SLC24A1: variants seen among roughly 807,000 people sequenced by gnomAD.
The protein encoded by SLC24A1 is solute carrier family 24 member 1.
Under a neutral mutation model 88.1 loss-of-function variants are expected in SLC24A1, and 52 were observed. The observed-to-expected ratio is 0.59, with a 90% CI of 0.47 to 0.74. The LOEUF (loss-of-function observed/expected upper bound fraction) is 0.74. Among genes scored for constraint, SLC24A1 ranks in the 30% least tolerant of loss-of-function variants. SLC24A1 has a pLI of 0.00. For missense variants in SLC24A1, 1,173 were observed against 1,363.3 expected, an observed-to-expected ratio of 0.86 and a Z score of 2.20; for synonymous variants, 455 against 498.0, an observed-to-expected ratio of 0.91 and a Z score of 1.15.
chr15:65,633,837 C>T (rs183339805), intron 2 of SLC24A1, among the ~76,000 whole-genome samples: 5 of 152,152 alleles, frequency 3.3e-5, no homozygotes, highest in Admixed American at 2.0e-4. Context: ...GACAGTGGGG[C>T]CCCCAGTGTG....
chr15:65,659,104 T>C (rs1253700878), downstream of SLC24A1: 1 of 152,102 alleles, frequency 6.6e-6, no homozygotes, highest in Non-Finnish European at 1.5e-5. Flanking sequence ...AACATAATGG[T>C]AGGACGTAGT....
rs2075242978 is a variant in SLC24A1 at position 65,644,577 on chromosome 15, C to T, written c.2140+64C>T. 5 of 1,230,894 alleles carry T rather than the reference C, an allele frequency of 4.1e-6. No individual in the cohort carries two copies. In the East Asian group the frequency reaches 1.3e-4, roughly 31 times the overall value. 76.2% of individuals were successfully genotyped at this position (1,230,894 alleles called of 1,614,324 possible). A position where few individuals can be genotyped will look rare whatever the true frequency, so the allele number is the denominator to read the frequency against. ...CCCTCTCCCTGCTGTCAGTAGTGAGCTTGGCCTGGAGGCAGCAGCCAGCCA... is the reference window on the plus strand; with the variant it reads ...CCCTCTCCCTGCTGTCAGTAGTGAGTTTGGCCTGGAGGCAGCAGCCAGCCA... On this transcript the variant is annotated intron_variant, in intron 5 of 9. Coordinates refer to ENST00000261892, the MANE Select transcript of SLC24A1 (RefSeq NM_004727.3).
intron 3 of SLC24A1, 49 bp from the exon 4 acceptor site, chr15:65,639,546 C>T (rs771607909): frequency 8.2e-7 from 1 of 1,221,818 alleles, no homozygotes. Flanking sequence ...CGTGTGGTTC[C>T]TCCCCTGGCT....
chr15:65,624,370 T>C lies in SLC24A1; in HGVS notation c.290T>C (p.Val97Ala), dbSNP rs762482455. 6.2e-7 allele frequency: 1 copy of C among 1,613,676 alleles called. No individual in the cohort carries two copies. Among genetic ancestry groups the C allele is most frequent in the Admixed American group, 1.7e-5 (1 of 59,996 alleles). ...GGKMLVPQAS[V>A]GSDEATLSMT... Reference sequence around the variant, plus strand: ...AAGATGCTGGTACCCCAAGCCTCAGTGGGCAGTGATGAAGCAACACTGAGC... The same window carrying C: ...AAGATGCTGGTACCCCAAGCCTCAGCGGGCAGTGATGAAGCAACACTGAGC... Residue 97 changes from valine to alanine, a missense_variant, in exon 2 of 10, where the codon GTG becomes GCG. By Grantham distance (64) the Val-to-Ala change is moderately conservative. Transcript: ENST00000261892.
At chr15:65,634,383 T>C (rs2074833647) in intron 2 of SLC24A1, among the ~76,000 whole-genome samples, 1 of 152,206 alleles carries the variant, frequency 6.6e-6, no homozygotes, top group African/African-American at 2.4e-5. Context: ...AGGATCCCAT[T>C]GCTCATCCTC....
At chr15:65,631,057 G>A (rs183514763) in intron 2 of SLC24A1, among the ~76,000 whole-genome samples, 1 of 151,464 alleles carries the variant, frequency 6.6e-6, no homozygotes, top group East Asian at 1.9e-4. Flanking sequence ...ATGACAAAAT[G>A]AATGCATGAG....
chr15:65,651,141 G>A (rs2075491220), intron 7 of SLC24A1, among the ~76,000 whole-genome samples, 199 bp downstream of exon 7: 1 of 152,098 alleles, frequency 6.6e-6, no homozygotes, highest in Admixed American at 6.5e-5. Context: ...GGGACTGGGA[G>A]GCCCTAGATC....
downstream of SLC24A1, chr15:65,656,263 T>C (rs2075680545): frequency 1.0e-6 from 1 of 984,916 alleles, no homozygotes; most frequent in African/African-American, 1.7e-5. Context: ...TAATCTGACA[T>C]CCTTTTCCCA....
chr15:65,659,594 C>T (rs2075794253), downstream of SLC24A1: 1 of 152,146 alleles, frequency 6.6e-6, no homozygotes, highest in African/African-American at 2.4e-5. Context: ...CTGCTTCAGC[C>T]TCCCAAAGTG....
intron 3 of SLC24A1, among the ~76,000 whole-genome samples, chr15:65,638,840 G>A (rs1274346192): frequency 6.6e-6 from 1 of 152,166 alleles, no homozygotes; most frequent in African/African-American, 2.4e-5. Context: ...AAGAAGAGAA[G>A]GGAGGGAGGA....
rs2075447675 is a variant in SLC24A1 at position 65,650,184 on chromosome 15, T to C, written c.2233-198T>C. Among the ~76,000 whole-genome samples the C allele has an allele frequency of 6.6e-6, 1 of 152,108 alleles. No individual in the cohort carries two copies. Among genetic ancestry groups the C allele is most frequent in the African/African-American group, 2.4e-5 (1 of 41,404 alleles). ...GTGGTGAGCTTTCCACCCCTGGAAA[T>C]GATCAAATAAAAGCTGGACAGCCAC... On this transcript the variant is annotated intron_variant, in intron 6 of 9. Transcript: ENST00000261892. The surrounding 1 kb of genome is among the most constrained non-coding windows in gnomAD (Gnocchi z 4.1).
chr15:65,641,953 T>C (rs371113918), intron 4 of SLC24A1, among the ~76,000 whole-genome samples: 51 of 152,256 alleles, frequency 3.3e-4, no homozygotes, highest in African/African-American at 1.2e-3. Context: ...GGGAGAGGCA[T>C]GTGAGGAAAC....
intron 2 of SLC24A1, among the ~76,000 whole-genome samples, chr15:65,630,384 C>G (rs1028169166): frequency 2.6e-5 from 4 of 152,200 alleles, no homozygotes; most frequent in African/African-American, 7.2e-5. Flanking sequence ...CTTTTCTTAT[C>G]AGGGTTGGCA....
chr15:65,638,831 A>G (rs1048760853), intron 3 of SLC24A1, among the ~76,000 whole-genome samples: 3 of 152,130 alleles, frequency 2.0e-5, no homozygotes, highest in African/African-American at 7.2e-5. Context: ...GGAGGGAGGA[A>G]GAAGAGAAGG....
chr15:65,650,693 A>G lies in SLC24A1; in HGVS notation c.2544A>G (p.Val848=). ...AAGCCAAAAATGATGAGAAAGGTGTAGAAGATGGAGGGGGAAGTGATGGAG... is the reference window on the plus strand; with the variant it reads ...AAGCCAAAAATGATGAGAAAGGTGTGGAAGATGGAGGGGGAAGTGATGGAG... ...HGEAKNDEKG[V]EDGGGSDGGD... The change falls in exon 7 of 10, where the codon GTA becomes GTG. Residue 848 remains valine, a synonymous_variant. Transcript: ENST00000261892. This position sits in a 1 kb window ranked among gnomAD's most constrained non-coding sequence, Gnocchi z 4.1. 1 of 1,550,736 alleles carries G rather than the reference A, an allele frequency of 6.4e-7. No individual in the cohort carries two copies. Among genetic ancestry groups the G allele is most frequent in the South Asian group, 1.2e-5 (1 of 83,802 alleles).
At chr15:65,657,432 T>G (rs181611078), downstream of SLC24A1, among the ~76,000 whole-genome samples, 740 of 151,718 alleles carry the variant, frequency 4.9e-3, 5 homozygotes, top group African/African-American at 0.016. Context: ...ACGAGGTCAG[T>G]AGATCGAGAC....
At chr15:65,643,110 G>A (rs757893843) in intron 4 of SLC24A1, 15 of 933,416 alleles carry the variant, frequency 1.6e-5, no homozygotes, top group Admixed American at 2.3e-5. Context: ...GCCAGACACT[G>A]TTTTGACCAT....
intron 1 of SLC24A1, 40 bp from the exon 2 acceptor site, chr15:65,623,912 TCTC>T (rs1596305316): frequency 1.8e-6 from 1 of 562,764 alleles, no homozygotes; most frequent in East Asian, 2.9e-5. Flanking sequence ...GGATCCCAGA[TCTC>T]CTCTTAGTGG....
At position 65,654,379 on chromosome 15, in the gene SLC24A1, C is replaced by G. The variant is rs2075607370; in HGVS notation, c.*300C>G. On this transcript the variant is annotated 3_prime_UTR_variant, in exon 10 of 10. Coordinates refer to ENST00000261892, the MANE Select transcript of SLC24A1 (RefSeq NM_004727.3). ...CCAGAGGGTTTTCTAAATGAGATAA[C>G]TGGGGGCAAAGGTTGGGATAGGCGC... 1 of 1,195,524 alleles carries G rather than the reference C, an allele frequency of 8.4e-7. No individual in the cohort carries two copies. The highest frequency in any genetic ancestry group is 1.6e-5 in the African/African-American group (1 of 63,820). 74.1% of individuals were successfully genotyped at this position (1,195,524 alleles called of 1,614,324 possible).
Sources: allele counts gnomAD v4.1 joint callset (sites outside exome capture counted in the v4.1 genomes callset), GRCh38; gene constraint gnomAD v4.1.1; non-coding constraint Gnocchi (gnomAD v3.1); transcripts MANE v1.5; gene names NCBI Gene and HGNC (gene_info 2026-07-23, HGNC 2026-07-21).